The following SYNE1 variants were observed in gnomAD, a reference collection of about 807,000 sequenced individuals.
The protein encoded by SYNE1 is nesprin-1.
A neutral mutation model predicts 1,111.0 loss-of-function variants in SYNE1; 616 were observed. The observed-to-expected ratio is 0.55, with a 90% CI of 0.52 to 0.59. The LOEUF (loss-of-function observed/expected upper bound fraction) is 0.59. Ranked by LOEUF, SYNE1 falls within the 20% of genes least tolerant of loss-of-function variation. The pLI is 0.00. For missense variants in SYNE1, 10,006 were observed against 10,417.0 expected, an observed-to-expected ratio of 0.96 and a Z score of 1.72; for synonymous variants, 3,855 against 3,825.8, an observed-to-expected ratio of 1.01 and a Z score of -0.28.
At chr6:152,509,248 C>CTTTTTTTTTT (rs11305679) in intron 8 of SYNE1, among the ~76,000 whole-genome samples, 1 of 75,788 alleles carries the variant, frequency 1.3e-5, no homozygotes, top group Non-Finnish European at 2.6e-5. Flanking sequence ...TTTTCTTTTT[C>CTTTTTTTTTT]TTTTTTTTTT....
intron 145 of SYNE1, among the ~76,000 whole-genome samples, chr6:152,124,558 G>A (rs997163303): frequency 3.9e-5 from 6 of 152,022 alleles, no homozygotes; most frequent in Admixed American, 3.3e-4. Context: ...TTTACTGTTC[G>A]ATGTTTTTGT....
chr6:152,160,275 C>G (rs1464487086), intron 131 of SYNE1, among the ~76,000 whole-genome samples: 1 of 152,154 alleles, frequency 6.6e-6, no homozygotes, highest in Non-Finnish European at 1.5e-5. Flanking sequence ...CTCTCTCTCT[C>G]TCTAATTTAT....
chr6:152,198,413 T>G (rs1436561190), intron 127 of SYNE1, among the ~76,000 whole-genome samples: 2 of 152,202 alleles, frequency 1.3e-5, no homozygotes, highest in South Asian at 4.1e-4. Flanking sequence ...AATAAGGATG[T>G]TTTGCTTTCT....
intron 117 of SYNE1, among the ~76,000 whole-genome samples, chr6:152,222,945 G>A (rs2080519055): frequency 6.6e-6 from 1 of 152,220 alleles, no homozygotes; most frequent in Non-Finnish European, 1.5e-5. Flanking sequence ...CCAAGGACCA[G>A]TAAGGGAACT....
At chr6:152,369,346 G>GA in intron 60 of SYNE1, 125 bp downstream of exon 60, 2 of 1,484,402 alleles carry the variant, frequency 1.3e-6, no homozygotes, top group South Asian at 1.2e-5. Context: ...CAGAAATGGG[G>GA]AAAAACACAC....
intron 131 of SYNE1, among the ~76,000 whole-genome samples, chr6:152,163,414 G>C: frequency 6.7e-6 from 1 of 150,364 alleles, no homozygotes; most frequent in Non-Finnish European, 1.5e-5. Context: ...CAGGAGAATC[G>C]CTTAAACCTG....
intron 108 of SYNE1, 91 bp from the exon 109 acceptor site, chr6:152,237,039 C>T: frequency 6.6e-7 from 1 of 1,523,490 alleles, no homozygotes; most frequent in South Asian, 1.2e-5. Flanking sequence ...CTGACAGTCT[C>T]TCCTTAAAGT....
intron 3 of SYNE1, among the ~76,000 whole-genome samples, chr6:152,594,926 G>A (rs76113379): frequency 0.022 from 3,318 of 152,168 alleles, 126 homozygotes; most frequent in African/African-American, 0.076. Flanking sequence ...CACCTTCACC[G>A]TACCACATTC....
At chr6:152,505,427 C>A in intron 8 of SYNE1, 30 bp from the exon 9 acceptor site, 1 of 1,610,830 alleles carries the variant, frequency 6.2e-7, no homozygotes, top group Non-Finnish European at 8.5e-7. Context: ...AAAATGATGT[C>A]ACATTCTGAA....
intron 95 of SYNE1, 144 bp downstream of exon 95, chr6:152,293,444 C>T (rs951720494): frequency 1.3e-6 from 1 of 783,700 alleles, no homozygotes; most frequent in Non-Finnish European, 2.2e-6. Context: ...CCATTAGGAC[C>T]CTTGTTTACT....
chr6:152,309,528 G>A (rs2095485722), intron 90 of SYNE1, among the ~76,000 whole-genome samples: 1 of 152,162 alleles, frequency 6.6e-6, no homozygotes, highest in East Asian at 1.9e-4. Context: ...GTTTGTAGAT[G>A]ATTCTCAGGT....
At chr6:152,155,111 T>C (rs2061144668) in intron 132 of SYNE1, 69 bp from the exon 133 acceptor site, 1 of 1,590,982 alleles carries the variant, frequency 6.3e-7, no homozygotes. Context: ...CCCGGTCTGC[T>C]GCCTGCGACT....
At chr6:152,614,512 G>C (rs1367619768) in intron 3 of SYNE1, among the ~76,000 whole-genome samples, 2 of 152,154 alleles carry the variant, frequency 1.3e-5, no homozygotes, top group African/African-American at 2.4e-5. Flanking sequence ...TGGAGAAATA[G>C]GAATGCTTTT....
At chr6:152,141,441 C>CAGAGGAGCCAAA in intron 138 of SYNE1, 112 bp from the exon 139 acceptor site, 4 of 1,436,478 alleles carry the variant, frequency 2.8e-6, no homozygotes, top group Non-Finnish European at 2.9e-6. Context: ...GTGTTTGGCT[C>CAGAGGAGCCAAA]CTCTGTGCCA....
intron 63 of SYNE1, among the ~76,000 whole-genome samples, chr6:152,363,272 A>G (rs1292157581): frequency 6.8e-6 from 1 of 147,032 alleles, no homozygotes; most frequent in South Asian, 2.2e-4. Flanking sequence ...AGGCGGGTGG[A>G]TCACGAGGTC....
chr6:152,192,210 T>C (rs778938096), intron 127 of SYNE1, among the ~76,000 whole-genome samples: 1 of 152,208 alleles, frequency 6.6e-6, no homozygotes, highest in African/African-American at 2.4e-5. Flanking sequence ...GGGAGAAGAA[T>C]GTGTATTTTG....
Position 152,208,152 on chromosome 6 carries a change from A to C in SYNE1, c.22644T>G (p.Ile7548Met), listed in dbSNP as rs758865027. Reference protein sequence around the residue: ...TLLSNQWQGVIRRAQQRRGII... With the variant: ...TLLSNQWQGVMRRAQQRRGII... ...TCCCCCGCCTCTGCTGGGCCCTGCG[A>C]ATCACTCCCTGCCATTGATTACTGA... Residue 7548 changes from isoleucine (I) to methionine (M), a missense_variant, in exon 125 of 146, where the codon ATT (isoleucine) becomes ATG (methionine). Transcript: ENST00000367255. 6.2e-7 allele frequency: 1 copy of C among 1,614,088 alleles called. No individual in the cohort carries two copies. The highest frequency in any genetic ancestry group is 8.5e-7 in the Non-Finnish European group (1 of 1,180,006).
At chr6:152,395,934 A>G (rs541761455) in intron 50 of SYNE1, among the ~76,000 whole-genome samples, 2 of 152,330 alleles carry the variant, frequency 1.3e-5, no homozygotes, top group East Asian at 3.9e-4. Context: ...ATAGCTGGTA[A>G]TTGCCAACAA....
At chr6:152,201,792 G>A in intron 127 of SYNE1, 32 bp downstream of exon 127, 1 of 1,613,828 alleles carries the variant, frequency 6.2e-7, no homozygotes, top group Non-Finnish European at 8.5e-7. Context: ...AGGCACACAG[G>A]TGACGGTGAA....
Sources: allele counts gnomAD v4.1 joint callset (sites outside exome capture counted in the v4.1 genomes callset), GRCh38; gene constraint gnomAD v4.1.1; transcripts MANE v1.5; gene names NCBI Gene and HGNC (gene_info 2026-07-23, HGNC 2026-07-21).